Variants in CLASP1 observed in about 807,000 individuals in gnomAD.
The protein encoded by CLASP1 is cytoplasmic linker associated protein 1, also known as CLIP-associating protein 1.
CLASP1 carries 38 observed loss-of-function variants against 192.3 expected under a neutral mutation model. The ratio of observed to expected loss-of-function variants is 0.20; its 90% CI spans 0.15 to 0.26. CLASP1 has a LOEUF of 0.26. Ranked by LOEUF, CLASP1 falls within the 10% of genes least tolerant of loss-of-function variation. The probability of loss-of-function intolerance (pLI) is 1.00; values close to 1 mark genes in which losing one functional copy is unlikely to be tolerated. For synonymous variants in CLASP1, 691 were observed against 712.8 expected, an observed-to-expected ratio of 0.97 and a Z score of 0.49; for missense variants, 1,433 against 1,932.5, an observed-to-expected ratio of 0.74 and a Z score of 4.85.
chr2:121,478,978 A>ACCC (rs763425569), intron 8 of CLASP1, among the ~76,000 whole-genome samples: 2,449 of 44,254 alleles, frequency 0.055, 77 homozygotes, highest in African/African-American at 0.11. Context: ...CACACCACAC[A>ACCC]CACACCACAC....
In CLASP1 at chr2:121,441,167, T is replaced by C. The variant is rs898790460; in HGVS notation, c.1912+6170A>G. Among the ~76,000 whole-genome samples, 24 of 152,236 alleles carry C rather than the reference T, an allele frequency of 1.6e-4. 1 individual carries two copies. Among genetic ancestry groups the C allele is most frequent in the Middle Eastern group, 3.2e-3 (1 of 316 alleles). ...AATGAAAAACCACTAGAGAGCCTTA[T>C]GTCACTAGGGTTTTTCTGTTCCCTA... On this transcript the variant is annotated intron_variant, in intron 19 of 39. Transcript: ENST00000263710.
chr2:121,451,802 T>A, exon 15 of CLASP1: 1 of 1,575,602 alleles, frequency 6.3e-7, no homozygotes, highest in Non-Finnish European at 8.6e-7. Context: ...TTCTAGTGAA[T>A]GTGTCTGCCA....
chr2:121,435,521 G>A (rs150468199), intron 19 of CLASP1, among the ~76,000 whole-genome samples: 5,640 of 152,224 alleles, frequency 0.037, 157 homozygotes, highest in East Asian at 0.14. Flanking sequence ...TGATCTGCCC[G>A]CCTCAGCCTC....
chr2:121,358,987 C>G (rs756959234), intron 37 of CLASP1, among the ~76,000 whole-genome samples: 1 of 152,222 alleles, frequency 6.6e-6, no homozygotes, highest in Non-Finnish European at 1.5e-5. Flanking sequence ...GTCTAATGAT[C>G]AGAAAACCTC....
At chr2:121,589,785 G>GT (rs2062169939) in intron 2 of CLASP1, among the ~76,000 whole-genome samples, 1 of 151,734 alleles carries the variant, frequency 6.6e-6, no homozygotes, top group Non-Finnish European at 1.5e-5. Context: ...AGATTTTGAT[G>GT]TTTTTTTCTC....
chr2:121,406,302 T>C (rs1046250170), intron 25 of CLASP1, among the ~76,000 whole-genome samples: 5 of 152,320 alleles, frequency 3.3e-5, no homozygotes, highest in Non-Finnish European at 2.9e-5. Context: ...GCAAAAACGA[T>C]CCATCTAAAA....
chr2:121,499,051 A>G (rs140818759), intron 8 of CLASP1, among the ~76,000 whole-genome samples: 7 of 152,350 alleles, frequency 4.6e-5, no homozygotes, highest in African/African-American at 7.2e-5. Context: ...TAAAGGTACA[A>G]CCCAGCAATT....
chr2:121,341,913 T>C (rs771112885), intron 39 of CLASP1, among the ~76,000 whole-genome samples: 37 of 152,132 alleles, frequency 2.4e-4, no homozygotes, highest in Non-Finnish European at 5.0e-4. Flanking sequence ...TGATTGAACA[T>C]AGACCATATG....
chr2:121,389,109 T>C (rs1469290809), intron 30 of CLASP1, among the ~76,000 whole-genome samples: 1 of 152,202 alleles, frequency 6.6e-6, no homozygotes, highest in Non-Finnish European at 1.5e-5. Flanking sequence ...AAAATAAGAA[T>C]TATGAATTTA....
intron 6 of CLASP1, among the ~76,000 whole-genome samples, chr2:121,521,235 G>A (rs1375505157): frequency 6.6e-6 from 1 of 152,190 alleles, no homozygotes; most frequent in Non-Finnish European, 1.5e-5. Context: ...ATGGGGTGGA[G>A]GAGGGGAAGA....
At position 121,469,690 on chromosome 2, in the gene CLASP1, A is replaced by G. The variant is rs575570429; in HGVS notation, c.865+118T>C. 751 of 934,944 alleles carry G rather than the reference A, an allele frequency of 8.0e-4. 5 individuals carry two copies. The South Asian group carries it at 0.018, about 23-fold the overall frequency. The allele number at this position is 934,944 out of a possible 1,614,324, so 57.9% of individuals were successfully genotyped here. ...TTCAATTAAAGAATAGCAGGCAGAAACCTGCTGCATATGGGGACTGTATCA... is the reference window on the plus strand; with the variant it reads ...TTCAATTAAAGAATAGCAGGCAGAAGCCTGCTGCATATGGGGACTGTATCA... On this transcript the variant is annotated intron_variant, in intron 9 of 39. Transcript: ENST00000263710.
rs60345742 is a variant in CLASP1 at position 121,581,260 on chromosome 2, C to CTTTTTTTTTTT, written c.195+24430_195+24440dup. Among the ~76,000 whole-genome samples, 235 of 57,662 alleles carry CTTTTTTTTTTT rather than the reference C, an allele frequency of 4.1e-3. 10 individuals are homozygous for CTTTTTTTTTTT. The highest frequency in any genetic ancestry group is 6.6e-3 in the East Asian group (11 of 1,658). The allele number at this position is 57,662 out of a possible 152,430, so 37.8% of individuals were successfully genotyped here. The stretch of plus-strand genomic sequence containing the variant: ...TCTGCCTCCCAAAAGGCCTTTTGTT[C>CTTTTTTTTTTT]TTTTTTTTTTTTTTTTTTTTTTTTT... On this transcript the variant is annotated intron_variant, in intron 2 of 39. Coordinates refer to ENST00000263710, the Ensembl canonical transcript of CLASP1.
intron 8 of CLASP1, among the ~76,000 whole-genome samples, chr2:121,471,552 C>CT (rs1304528000): frequency 6.6e-6 from 1 of 151,938 alleles, no homozygotes; most frequent in Non-Finnish European, 1.5e-5. Context: ...TTTCCTTGAT[C>CT]TAGTTGCTTC....
At position 121,350,753 on chromosome 2, in the gene CLASP1, G is replaced by A. The variant is rs74578338; in HGVS notation, c.4207-2035C>T. On this transcript the variant is annotated intron_variant, in intron 37 of 39. Coordinates refer to ENST00000263710, the Ensembl canonical transcript of CLASP1. The stretch of plus-strand genomic sequence containing the variant: ...CACTATGAAGCCCCATATGAGCTTT[G>A]GCTACTCACACCCACTACCTGGCAC... Among the ~76,000 whole-genome samples the A allele has an allele frequency of 1.1e-4, 16 of 152,180 alleles. No homozygotes were observed. The East Asian group carries it at 3.1e-3, about 29-fold the overall frequency.
At chr2:121,369,895 T>C (rs763149207) in intron 34 of CLASP1, among the ~76,000 whole-genome samples, 24 of 152,080 alleles carry the variant, frequency 1.6e-4, no homozygotes, top group Admixed American at 1.2e-3. Context: ...GTAAAGAATA[T>C]GCAAATCACT....
chr2:121,597,057 G>A (rs1032411948), intron 2 of CLASP1, among the ~76,000 whole-genome samples: 10 of 152,240 alleles, frequency 6.6e-5, no homozygotes, highest in African/African-American at 2.2e-4. Flanking sequence ...GGCCGGGACC[G>A]TACCCAGTTT....
At chr2:121,571,452 C>T (rs1192841375) in intron 2 of CLASP1, among the ~76,000 whole-genome samples, 1 of 152,194 alleles carries the variant, frequency 6.6e-6, no homozygotes, top group Non-Finnish European at 1.5e-5. Context: ...CTGGGTACTG[C>T]TGTGCAAGCA....
intron 22 of CLASP1, among the ~76,000 whole-genome samples, chr2:121,420,806 T>C (rs970063050): frequency 1.3e-5 from 2 of 152,246 alleles, no homozygotes; most frequent in African/African-American, 4.8e-5. Context: ...ATCCCCTTCC[T>C]TAAATTCATA....
chr2:121,575,136 A>C (rs2060379026), intron 2 of CLASP1, among the ~76,000 whole-genome samples: 1 of 152,016 alleles, frequency 6.6e-6, no homozygotes, highest in Non-Finnish European at 1.5e-5. Flanking sequence ...CCTTTGAGAC[A>C]AGTCTCCCTC....
Sources: allele counts gnomAD v4.1 joint callset (sites outside exome capture counted in the v4.1 genomes callset), GRCh38; gene constraint gnomAD v4.1.1; transcripts MANE v1.5; gene names NCBI Gene and HGNC (gene_info 2026-07-23, HGNC 2026-07-21).